TMC1: variants seen among roughly 807,000 people sequenced by gnomAD.
TMC1 encodes transmembrane channel like 1.
In TMC1, 84 loss-of-function variants were observed where a neutral mutation model predicts 105.8. That is an observed-to-expected ratio of 0.79 (90% CI 0.67 to 0.95). The LOEUF (loss-of-function observed/expected upper bound fraction) is 0.95. Ranked by LOEUF, TMC1 falls within the 40% of genes least tolerant of loss-of-function variation. The pLI is 0.00. For missense variants in TMC1, 817 were observed against 914.1 expected (o/e 0.89, Z 1.37); for synonymous variants, 315 against 311.5 (o/e 1.01, Z -0.12).
chr9:72,702,328 G>A (rs1039100011), intron 8 of TMC1, among the ~76,000 whole-genome samples: 7 of 152,092 alleles, frequency 4.6e-5, no homozygotes, highest in Non-Finnish European at 8.8e-5. Flanking sequence ...GTGCAGGATC[G>A]TGGAGGAGAC....
chr9:72,751,828 CTT>C lies in TMC1; in HGVS notation c.536-18_536-17del, dbSNP rs761025965. The C allele has an allele frequency of 6.5e-7, 1 of 1,527,306 alleles. No individual in the cohort carries two copies. The allele number at this position is 1,527,306 out of a possible 1,614,324, so 94.6% of individuals were successfully genotyped here. A position where few individuals can be genotyped will look rare whatever the true frequency, so the allele number is the denominator to read the frequency against. On this transcript the variant is annotated intron_variant, in intron 10 of 23. Coordinates refer to ENST00000297784, the MANE Select transcript of TMC1 (RefSeq NM_138691.3). ...TTGTTTGCTTTGATCTCTCTTCAAA[CTT>C]TTTATTTTCTTTGTAATAGGTCAGT...
chr9:72,601,185 C>CAG (rs1289886051), intron 2 of TMC1, among the ~76,000 whole-genome samples: 24 of 138,724 alleles, frequency 1.7e-4, no homozygotes, highest in African/African-American at 5.2e-4. Context: ...CACACACACA[C>CAG]ACACACACAG....
intron 2 of TMC1, among the ~76,000 whole-genome samples, chr9:72,579,960 A>T (rs1824447914): frequency 6.6e-6 from 1 of 152,198 alleles, no homozygotes; most frequent in Non-Finnish European, 1.5e-5. Flanking sequence ...AATGAGGAAA[A>T]CAAGATTCAG....
intron 5 of TMC1, among the ~76,000 whole-genome samples, chr9:72,653,765 T>G (rs997653333): frequency 6.6e-6 from 1 of 152,088 alleles, no homozygotes; most frequent in African/African-American, 2.4e-5. Flanking sequence ...CACACATTCC[T>G]TCCTTCTCTA....
chr9:72,533,159 G>C (rs991161983), intron 1 of TMC1, among the ~76,000 whole-genome samples: 1 of 152,202 alleles, frequency 6.6e-6, no homozygotes, highest in Non-Finnish European at 1.5e-5. Flanking sequence ...ATCAGCTGAA[G>C]TGCCCTCTCT....
chr9:72,633,765 C>CA (rs1588001939), intron 4 of TMC1, among the ~76,000 whole-genome samples: 1 of 152,122 alleles, frequency 6.6e-6, no homozygotes, highest in Non-Finnish European at 1.5e-5. Flanking sequence ...TTCTAATCAC[C>CA]AAATGTGTGG....
chr9:72,733,472 A>G (rs1827248047), intron 8 of TMC1, among the ~76,000 whole-genome samples: 2 of 152,120 alleles, frequency 1.3e-5, no homozygotes, highest in Admixed American at 6.5e-5. Flanking sequence ...TTTGCCTGGA[A>G]GTACCTAGTT....
chr9:72,763,622 A>C (rs1827788529), intron 12 of TMC1, among the ~76,000 whole-genome samples: 1 of 152,204 alleles, frequency 6.6e-6, no homozygotes, highest in Admixed American at 6.5e-5. Context: ...CAGTAAGAAC[A>C]TCAATTACAG....
chr9:72,642,666 G>T (rs1219625962), intron 4 of TMC1, among the ~76,000 whole-genome samples: 1 of 152,148 alleles, frequency 6.6e-6, no homozygotes, highest in Non-Finnish European at 1.5e-5. Context: ...TTTTTAAAAA[G>T]ACTCAATATA....
intron 23 of TMC1, among the ~76,000 whole-genome samples, chr9:72,833,147 A>G (rs1829068746): frequency 6.6e-6 from 1 of 152,170 alleles, no homozygotes; most frequent in African/African-American, 2.4e-5. Context: ...CTACCTATGT[A>G]GTTATATTAT....
rs1391156039 is a variant in TMC1, at chr9:72,835,916, T to G, written c.2261-35T>G. The G allele has an allele frequency of 1.6e-5, 7 of 428,626 alleles. No individual in the cohort carries two copies. In the East Asian group the frequency reaches 2.7e-4, roughly 16 times the overall value. The allele number at this position is 428,626 out of a possible 1,614,324, so 26.6% of individuals were successfully genotyped here. A position where few individuals can be genotyped will look rare whatever the true frequency, so the allele number is the denominator to read the frequency against. ...TTCATCTTCTCTCTCTCTCTCCTTG[T>G]TTTTTTTTTTTTTTTTTTTCTGTTT... On this transcript the variant is annotated intron_variant, in intron 23 of 23. Coordinates refer to ENST00000297784, the MANE Select transcript of TMC1 (RefSeq NM_138691.3).
chr9:72,754,969 T>G, intron 12 of TMC1, 85 bp downstream of exon 12: 1 of 924,360 alleles, frequency 1.1e-6, no homozygotes, highest in South Asian at 1.3e-5. Flanking sequence ...CCTCCTCTCC[T>G]GGGTCAGGCT....
chr9:72,820,519 G>T (rs546998608), intron 19 of TMC1, among the ~76,000 whole-genome samples: 19 of 152,230 alleles, frequency 1.2e-4, no homozygotes, highest in African/African-American at 4.6e-4. Context: ...AGAATTAGAA[G>T]AAAGAAGTAA....
At chr9:72,738,632 G>T (rs1174877227) in intron 8 of TMC1, among the ~76,000 whole-genome samples, 3 of 151,934 alleles carry the variant, frequency 2.0e-5, no homozygotes, top group Non-Finnish European at 4.4e-5. Context: ...TGGCCAGGGT[G>T]GTCTCGAACT....
intron 8 of TMC1, among the ~76,000 whole-genome samples, chr9:72,715,185 C>T (rs1826897370): frequency 6.6e-6 from 1 of 152,080 alleles, no homozygotes; most frequent in African/African-American, 2.4e-5. Context: ...TCTCTGGCTG[C>T]CCTTAATATT....
chr9:72,648,807 T>C (rs1825756278), intron 5 of TMC1, 143 bp downstream of exon 5: 1 of 704,850 alleles, frequency 1.4e-6, no homozygotes. Flanking sequence ...CTGTGGGTAG[T>C]TTCCCTTTGT....
intron 2 of TMC1, among the ~76,000 whole-genome samples, chr9:72,594,869 C>CT (rs141277773): frequency 0.014 from 2,036 of 143,824 alleles, 26 homozygotes; most frequent in Non-Finnish European, 0.024. Context: ...TCTTCTTCTT[C>CT]TTTTTTTTTT....
chr9:72,651,038 C>T (rs1029092479), intron 5 of TMC1: 14 of 145,270 alleles, frequency 9.6e-5, no homozygotes, highest in African/African-American at 2.5e-4. Context: ...TTTATGGCTG[C>T]GTGGTATTTC....
At chr9:72,709,864 A>G (rs921416687) in intron 8 of TMC1, among the ~76,000 whole-genome samples, 2 of 152,050 alleles carry the variant, frequency 1.3e-5, no homozygotes, top group African/African-American at 4.8e-5. Flanking sequence ...AATTTCATTT[A>G]GTTCTGCTCT....
Sources: allele counts gnomAD v4.1 joint callset (sites outside exome capture counted in the v4.1 genomes callset), GRCh38; gene constraint gnomAD v4.1.1; transcripts MANE v1.5; gene names NCBI Gene and HGNC (gene_info 2026-07-23, HGNC 2026-07-21).